ASB14: variants seen among roughly 807,000 people sequenced by gnomAD.
ASB14 encodes ankyrin repeat and SOCS box containing 14, also known as ankyrin repeat and SOCS box protein 14.
Under a neutral mutation model 55.6 loss-of-function variants are expected in ASB14, and 63 were observed. That is an observed-to-expected ratio of 1.13 (90% CI 0.92 to 1.40). The LOEUF (loss-of-function observed/expected upper bound fraction) is 1.40. Ranked by LOEUF, ASB14 falls within the 40% of genes most tolerant of loss-of-function variation. ASB14 has a pLI of 0.00. For missense variants in ASB14, 724 were observed against 710.4 expected (o/e 1.02, Z -0.22); for synonymous variants, 256 against 259.9 (o/e 0.98, Z 0.15).
intron 5 of ASB14, among the ~76,000 whole-genome samples, chr3:57,287,480 C>G (rs935596350): frequency 6.6e-6 from 1 of 152,182 alleles, no homozygotes. Context: ...TCCAGAGACT[C>G]TCTGTTTAAG....
In ASB14 at chr3:57,278,530, T is replaced by G. The variant is rs147279314; in HGVS notation, c.1278A>C (p.Ala426=). The G allele has an allele frequency of 6.2e-7, 1 of 1,614,180 alleles. No homozygotes were observed. Among genetic ancestry groups the G allele is most frequent in the Non-Finnish European group, 8.5e-7 (1 of 1,180,026 alleles). ...CRVNPLHFPS[A]LQYTLKDEVM... ...CTTCATCTTTCAGAGTGTATTGCAG[T>G]GCTGATGGGAAATGTAAAGGGTTAA... The change falls in exon 8 of 11, where the codon GCA becomes GCC. Residue 426 remains alanine (A), a synonymous_variant. Coordinates refer to ENST00000487349, the MANE Select transcript of ASB14 (RefSeq NM_001142733.3).
intron 6 of ASB14, among the ~76,000 whole-genome samples, chr3:57,282,288 G>A (rs922616192): frequency 6.6e-6 from 1 of 152,132 alleles, no homozygotes; most frequent in Non-Finnish European, 1.5e-5. Flanking sequence ...CCAGGACTGT[G>A]TATTGTTAAA....
chr3:57,283,273 C>T lies in ASB14; in HGVS notation c.636G>A (p.Gln212=). The T allele has an allele frequency of 1.3e-6, 2 of 1,552,000 alleles. No individual in the cohort carries two copies. Among genetic ancestry groups the T allele is most frequent in the Non-Finnish European group, 1.7e-6 (2 of 1,147,056 alleles). Residue 212 remains glutamine (Q), a synonymous_variant, in exon 6 of 11, where the codon CAG becomes CAA. Coordinates refer to ENST00000487349, the MANE Select transcript of ASB14 (RefSeq NM_001142733.3). ...MLVSGAHPDP[Q]STYGFTPLAL... ...CAAGAGGAGTGAATCCATACGTGCT[C>T]TGTGGGTCAGGGTGTGCCCCAGAAA...
rs764803205 is a variant in ASB14 at position 57,283,345 on chromosome 3, G to T, written c.564C>A (p.His188Gln). 1.9e-6 allele frequency: 3 copies of T among 1,551,616 alleles called. No individual in the cohort carries two copies. The highest frequency in any genetic ancestry group is 2.6e-6 in the Non-Finnish European group (3 of 1,147,002). The change falls in exon 6 of 11, where the codon CAC becomes CAA. Residue 188 changes from histidine to glutamine, a missense_variant. By Grantham distance (24) the His-to-Gln change is conservative (BLOSUM62 0). Transcript: ENST00000487349. ...LRCANERTAL[H>Q]EAAKLGREDM... The stretch of plus-strand genomic sequence containing the variant: ...CCTCTCTGCCCAGTTTGGCTGCTTC[G>T]TGGAGAGCTGTCCTCTCGTTGGCAC...
chr3:57,273,922 A>G (rs1579416867), intron 10 of ASB14, among the ~76,000 whole-genome samples: 1 of 152,312 alleles, frequency 6.6e-6, no homozygotes, highest in East Asian at 1.9e-4. Flanking sequence ...TACTTTTAGA[A>G]GGTACAGGGA....
chr3:57,292,144 T>C (rs977991233), intron 1 of ASB14, 40 bp from the exon 2 acceptor site: 2 of 1,182,546 alleles, frequency 1.7e-6, no homozygotes, highest in Non-Finnish European at 1.1e-6. Flanking sequence ...ATCTAGAAAA[T>C]TGGTAGGATT....
intron 6 of ASB14, among the ~76,000 whole-genome samples, chr3:57,282,412 A>G (rs1161040696): frequency 1.3e-5 from 2 of 152,168 alleles, no homozygotes; most frequent in Non-Finnish European, 2.9e-5. Context: ...GATTGATCCT[A>G]CCTTGCTTCA....
At chr3:57,287,240 T>C (rs2061087629) in intron 5 of ASB14, among the ~76,000 whole-genome samples, 1 of 152,198 alleles carries the variant, frequency 6.6e-6, no homozygotes, top group Admixed American at 6.5e-5. Flanking sequence ...ACTGTAGGTT[T>C]AACAACAGGT....
At chr3:57,286,218 G>A (rs1334426343) in intron 5 of ASB14, among the ~76,000 whole-genome samples, 3 of 149,808 alleles carry the variant, frequency 2.0e-5, no homozygotes, top group Non-Finnish European at 4.4e-5. Flanking sequence ...TTTCTCTCAG[G>A]AAGTCTGTGG....
chr3:57,284,667 G>A (rs897567885), intron 5 of ASB14, among the ~76,000 whole-genome samples: 3 of 152,140 alleles, frequency 2.0e-5, no homozygotes, highest in East Asian at 1.9e-4. Context: ...ACAGCCTCAC[G>A]GTTTTTACAT....
chr3:57,277,709 C>A, intron 9 of ASB14, 58 bp downstream of exon 9: 1 of 1,459,382 alleles, frequency 6.9e-7, no homozygotes, highest in South Asian at 1.3e-5. Flanking sequence ...CTAAAACAAC[C>A]AAATAAGAAT....
In ASB14 at chr3:57,268,535, T is replaced by G; in HGVS notation, c.*1106A>C. On this transcript the variant is annotated 3_prime_UTR_variant, in exon 11 of 11. Coordinates refer to ENST00000487349, the MANE Select transcript of ASB14 (RefSeq NM_001142733.3). Reference sequence around the variant, plus strand: ...TCTTTATGTGTTGTTTGTGAAGACTTAATTCAGCACTATGACTTTCAGATT... The same window carrying G: ...TCTTTATGTGTTGTTTGTGAAGACTGAATTCAGCACTATGACTTTCAGATT... 6.5e-7 allele frequency: 1 copy of G among 1,527,754 alleles called. No individual in the cohort carries two copies. Among genetic ancestry groups the G allele is most frequent in the Non-Finnish European group, 8.8e-7 (1 of 1,141,358 alleles). 94.6% of individuals were successfully genotyped at this position (1,527,754 alleles called of 1,614,324 possible).
At chr3:57,284,315 A>C (rs761234682) in intron 5 of ASB14, among the ~76,000 whole-genome samples, 1 of 152,022 alleles carries the variant, frequency 6.6e-6, no homozygotes, top group Non-Finnish European at 1.5e-5. Flanking sequence ...ATTTCTGTAG[A>C]GATGCAGTCT....
intron 3 of ASB14, 126 bp from the exon 4 acceptor site, chr3:57,288,412 G>T: frequency 1.9e-6 from 2 of 1,068,282 alleles, no homozygotes; most frequent in Non-Finnish European, 2.7e-6. Flanking sequence ...CACCTTTTAT[G>T]AAAGACAAAT....
intron 9 of ASB14, 44 bp downstream of exon 9, chr3:57,277,723 A>T: frequency 1.3e-6 from 2 of 1,528,696 alleles, no homozygotes; most frequent in Non-Finnish European, 1.8e-6. Context: ...TAAGAATACA[A>T]TTAGTACTTT....
rs2060990636 is a variant in ASB14, at chr3:57,276,693, T to G, written c.1621A>C (p.Lys541Gln). 6.2e-7 allele frequency: 1 copy of G among 1,613,966 alleles called. No homozygotes were observed. The change falls in exon 10 of 11, where the codon AAG (lysine) becomes CAG (glutamine). Residue 541 changes from lysine to glutamine, a missense_variant. By Grantham distance (53) the Lys-to-Gln change is moderately conservative (BLOSUM62 1). Coordinates refer to ENST00000487349, the MANE Select transcript of ASB14 (RefSeq NM_001142733.3). Reference sequence around the variant, plus strand: ...AACCGTCCCATGCATTTCCGGATCTTTAGGCGGCACAAATGTTTTAGGGAG... The same window carrying G: ...AACCGTCCCATGCATTTCCGGATCTGTAGGCGGCACAAATGTTTTAGGGAG... ...PRSLKHLCRLKIRKCMGRLHL... is the reference protein window; with the variant it reads ...PRSLKHLCRLQIRKCMGRLHL...
chr3:57,291,047 T>C (rs1231197219), intron 2 of ASB14, among the ~76,000 whole-genome samples: 2 of 152,164 alleles, frequency 1.3e-5, no homozygotes, highest in African/African-American at 4.8e-5. Flanking sequence ...GGGATAATAA[T>C]AGGACCTACC....
In ASB14 at chr3:57,268,401, C is replaced by T. The variant is rs775644362; in HGVS notation, c.*1240G>A. 8.9e-6 allele frequency: 14 copies of T among 1,566,628 alleles called. No individual in the cohort carries two copies. The Admixed American group carries it at 1.6e-4, about 18-fold the overall frequency. ...GTTTTATTCATCTGTTCTTTAGGAT[C>T]GTAGGGCATCAGAAAAACAAAAAGA... On this transcript the variant is annotated 3_prime_UTR_variant, in exon 11 of 11. Coordinates refer to ENST00000487349, the MANE Select transcript of ASB14 (RefSeq NM_001142733.3).
In ASB14 at chr3:57,291,914, C is replaced by G; in HGVS notation, c.120G>C (p.Glu40Asp). The G allele has an allele frequency of 6.5e-7, 1 of 1,533,068 alleles. No individual in the cohort carries two copies. The highest frequency in any genetic ancestry group is 8.7e-7 in the Non-Finnish European group (1 of 1,143,302). 95.0% of individuals were successfully genotyped at this position (1,533,068 alleles called of 1,614,324 possible). ...ATTGCCGATGAGAAAACCATTACCTCTCATCCTTAGGTGCATGTTGTGCTG... is the reference window on the plus strand; with the variant it reads ...ATTGCCGATGAGAAAACCATTACCTGTCATCCTTAGGTGCATGTTGTGCTG... Reference protein sequence around the residue: ...PGTAQHAPKDESLHSFLSADY... With the variant: ...PGTAQHAPKDDSLHSFLSADY... Residue 40 changes from glutamate to aspartate, a missense_variant and splice_region_variant, in exon 2 of 11, where the codon GAG becomes GAC. Physicochemically the swap from Glu to Asp is conservative, Grantham distance 45. Transcript: ENST00000487349.
Sources: gnomAD v4.1 joint callset for allele counts (sites outside exome capture counted in the v4.1 genomes callset) on GRCh38, gnomAD v4.1.1 for gene constraint, MANE v1.5 for transcripts, NCBI Gene and HGNC (gene_info 2026-07-23, HGNC 2026-07-21) for gene names.